The following JPH2 variants were observed in gnomAD, a reference collection of about 807,000 sequenced individuals.
JPH2 encodes the protein junctophilin-2.
JPH2 carries 38 observed loss-of-function variants against 55.9 expected under a neutral mutation model. The ratio of observed to expected loss-of-function variants is 0.68; its 90% CI spans 0.52 to 0.89. The LOEUF is 0.89. JPH2 is among the 40% of genes least tolerant of loss of function. The pLI, the probability that JPH2 is intolerant of heterozygous loss-of-function variation, is 0.00. For missense variants in JPH2, 964 were observed against 1,037.6 expected (o/e 0.93, Z 0.97); for synonymous variants, 480 against 472.4 (o/e 1.02, Z -0.21).
chr20:44,134,150 AT>A (rs1335098433), intron 2 of JPH2, among the ~76,000 whole-genome samples: 1 of 34,158 alleles, frequency 2.9e-5, no homozygotes, highest in Non-Finnish European at 5.7e-5. Flanking sequence ...ATAAATATTT[AT>A]TATAAATATA....
chr20:44,151,808 C>G (rs2072532817), intron 2 of JPH2, among the ~76,000 whole-genome samples: 1 of 152,208 alleles, frequency 6.6e-6, no homozygotes, highest in South Asian at 2.1e-4. Context: ...AATCTTTCCC[C>G]ACCCATTCCA....
intron 1 of JPH2, among the ~76,000 whole-genome samples, chr20:44,184,432 C>T (rs1442218038): frequency 6.6e-6 from 1 of 152,136 alleles, no homozygotes; most frequent in East Asian, 1.9e-4. Context: ...GCCTGATACA[C>T]TTGTGAAAGC....
At chr20:44,120,503 A>T (rs544936182) in intron 2 of JPH2, among the ~76,000 whole-genome samples, 2 of 152,358 alleles carry the variant, frequency 1.3e-5, no homozygotes, top group Admixed American at 1.3e-4. Flanking sequence ...TGCCTTAGGA[A>T]GCTGGTGCTG....
chr20:44,139,806 G>T (rs934352175), intron 2 of JPH2, among the ~76,000 whole-genome samples: 13 of 152,156 alleles, frequency 8.5e-5, no homozygotes, highest in South Asian at 2.1e-4. Flanking sequence ...ACAAGATGGG[G>T]ACAGGAAAAG....
rs2235808 is a variant in JPH2 at position 44,187,155 on chromosome 20, C to G, written c.-450G>C. 46,597 of 190,408 alleles carry G rather than the reference C, an allele frequency of 0.24. 7,841 individuals carry two copies. Among genetic ancestry groups the G allele is most frequent in the East Asian group, 0.54 (3,520 of 6,534 alleles). 11.8% of individuals were successfully genotyped at this position (190,408 alleles called of 1,614,324 possible). A position where few individuals can be genotyped will look rare whatever the true frequency, so the allele number is the denominator to read the frequency against. On this transcript the variant is annotated 5_prime_UTR_variant, in exon 1 of 6. Transcript: ENST00000372980. ...GCTGAATTCCCGCAGCCCGCTGGCC[C>G]CCTTCTCCACCCCAGTGGGTGTGCG... is the stretch of plus-strand genomic sequence containing the variant.
intron 2 of JPH2, among the ~76,000 whole-genome samples, chr20:44,155,905 G>A (rs746028354): frequency 5.9e-5 from 9 of 152,048 alleles, no homozygotes; most frequent in East Asian, 3.9e-4. Context: ...GTGTGGTGGC[G>A]CACACCTGTG....
chr20:44,155,461 A>C (rs915152080), intron 2 of JPH2, among the ~76,000 whole-genome samples: 3 of 152,174 alleles, frequency 2.0e-5, no homozygotes, highest in African/African-American at 7.2e-5. Context: ...AGAAGGAGCA[A>C]ATCTTCCATA....
At chr20:44,150,494 G>C (rs1310064938) in intron 2 of JPH2, among the ~76,000 whole-genome samples, 3 of 152,106 alleles carry the variant, frequency 2.0e-5, no homozygotes, top group African/African-American at 7.2e-5. Context: ...AAATCCCAGC[G>C]GCCTTTTTTT....
intron 2 of JPH2, among the ~76,000 whole-genome samples, chr20:44,143,634 C>T (rs775940688): frequency 1.3e-5 from 2 of 152,234 alleles, no homozygotes; most frequent in Non-Finnish European, 2.9e-5. Flanking sequence ...TCCCCGCTCA[C>T]GCCCTCTCAG....
At chr20:44,158,118 TA>T (rs1394994799) in intron 2 of JPH2, among the ~76,000 whole-genome samples, 1 of 152,186 alleles carries the variant, frequency 6.6e-6, no homozygotes, top group Non-Finnish European at 1.5e-5. Context: ...AGTGGTGGGT[TA>T]AAAACAAATC....
At chr20:44,176,942 C>G in intron 1 of JPH2, 1 of 985,502 alleles carries the variant, frequency 1.0e-6, no homozygotes, top group Non-Finnish European at 1.2e-6. Flanking sequence ...AGCTCTACCC[C>G]ATCCACAGCA....
chr20:44,124,732 G>A (rs1049175873), intron 2 of JPH2, among the ~76,000 whole-genome samples: 9 of 151,844 alleles, frequency 5.9e-5, no homozygotes, highest in African/African-American at 2.2e-4. Context: ...GTCAGCAGAT[G>A]ACAGTGGTAG....
rs759548679 is a variant in JPH2 at position 44,160,431 on chromosome 20, CAGT to C, written c.380-27_380-25del. 1.2e-6 allele frequency: 2 copies of C among 1,604,052 alleles called. No individual in the cohort carries two copies. Among genetic ancestry groups the C allele is most frequent in the South Asian group, 2.2e-5 (2 of 89,396 alleles). On this transcript the variant is annotated intron_variant, in intron 1 of 5. Transcript: ENST00000372980. The surrounding 1 kb of genome is among the most constrained non-coding windows in gnomAD (Gnocchi z 4.9). The stretch of plus-strand genomic sequence containing the variant: ...CCCTGCGGGCGAGGAGAGGGCGCGT[CAGT>C]AGGCGGCACGACGGGTCCCCGCGTG...
At chr20:44,185,939 T>C (rs1447624222) in intron 1 of JPH2, among the ~76,000 whole-genome samples, 1 of 152,136 alleles carries the variant, frequency 6.6e-6, no homozygotes, top group African/African-American at 2.4e-5. Context: ...CTCCTCATGA[T>C]CTATTGCTTG....
At chr20:44,156,071 A>G (rs1416364485) in intron 2 of JPH2, among the ~76,000 whole-genome samples, 1 of 152,170 alleles carries the variant, frequency 6.6e-6, no homozygotes, top group Admixed American at 6.5e-5. Flanking sequence ...ACACAAAAAA[A>G]GCAAAGAATC....
intron 2 of JPH2, among the ~76,000 whole-genome samples, chr20:44,145,765 G>C (rs557095150): frequency 3.3e-5 from 5 of 151,980 alleles, no homozygotes; most frequent in Non-Finnish European, 5.9e-5. Context: ...GAGGCTTCAC[G>C]AGAGCCTCCC....
At position 44,160,115 on chromosome 20, in the gene JPH2, G is replaced by C; in HGVS notation, c.672C>G (p.Gly224=). ...APKGGGLFQR[G]ALLGKLRRAE... is the part of the protein sequence containing the mutation. The stretch of plus-strand genomic sequence containing the variant: ...CGCGCCGCAGCTTGCCCAGCAGCGC[G>C]CCCCGCTGGAAGAGGCCGCCGCCCT... The change falls in exon 2 of 6, where the codon GGC becomes GGG. Residue 224 remains glycine, a synonymous_variant. Coordinates refer to ENST00000372980, the MANE Select transcript of JPH2 (RefSeq NM_020433.5). This position sits in a 1 kb window ranked among gnomAD's most constrained non-coding sequence, Gnocchi z 4.9. 6.6e-7 allele frequency: 1 copy of C among 1,517,652 alleles called. No individual in the cohort carries two copies. The highest frequency in any genetic ancestry group is 8.8e-7 in the Non-Finnish European group (1 of 1,138,430). The allele number at this position is 1,517,652 out of a possible 1,614,324, so 94.0% of individuals were successfully genotyped here.
At chr20:44,172,539 C>G (rs1273541538) in intron 1 of JPH2, among the ~76,000 whole-genome samples, 1 of 152,202 alleles carries the variant, frequency 6.6e-6, no homozygotes, top group Admixed American at 6.5e-5. Flanking sequence ...GTAATCCAAG[C>G]TGGAGTGCAG....
chr20:44,139,989 A>C (rs2072443749), intron 2 of JPH2, among the ~76,000 whole-genome samples: 1 of 152,076 alleles, frequency 6.6e-6, no homozygotes, highest in African/African-American at 2.4e-5. Context: ...CTCCTGCCTC[A>C]GCCTCCCGAG....
Sources: allele counts gnomAD v4.1 joint callset (sites outside exome capture counted in the v4.1 genomes callset), GRCh38; gene constraint gnomAD v4.1.1; non-coding constraint Gnocchi (gnomAD v3.1); transcripts MANE v1.5; gene names NCBI Gene and HGNC (gene_info 2026-07-23, HGNC 2026-07-21).